Variants in RGS7 observed in about 807,000 individuals in gnomAD.
The protein encoded by RGS7 is regulator of G-protein signaling 7.
A neutral mutation model predicts 81.1 loss-of-function variants in RGS7; 27 were observed. That is an observed-to-expected ratio of 0.33 (90% confidence interval 0.25 to 0.46). The LOEUF (loss-of-function observed/expected upper bound fraction) is 0.46. RGS7 is among the 20% of genes least tolerant of loss of function. The pLI, the probability that RGS7 is intolerant of heterozygous loss-of-function variation, is 1.00. For missense variants in RGS7, 396 were observed against 607.4 expected (o/e 0.65, Z 3.66); for synonymous variants, 208 against 207.7 (o/e 1.00, Z -0.01).
At chr1:241,238,900 C>T (rs2076119108) in intron 2 of RGS7, among the ~76,000 whole-genome samples, 1 of 150,582 alleles carries the variant, frequency 6.6e-6, no homozygotes, top group African/African-American at 2.4e-5. Flanking sequence ...TGTTATAAAA[C>T]ATTTAAAAAT....
intron 6 of RGS7, among the ~76,000 whole-genome samples, chr1:240,896,641 A>G (rs1368960296): frequency 6.6e-6 from 1 of 152,100 alleles, no homozygotes; most frequent in East Asian, 1.9e-4. Flanking sequence ...CCACTGGTCT[A>G]TATCTCTGTT....
At chr1:241,232,639 C>G (rs1362818097) in intron 2 of RGS7, among the ~76,000 whole-genome samples, 1 of 151,180 alleles carries the variant, frequency 6.6e-6, no homozygotes, top group East Asian at 1.9e-4. Context: ...ATTTCCATTT[C>G]CATATATATT....
At chr1:241,291,724 GC>G (rs1474138922) in intron 2 of RGS7, among the ~76,000 whole-genome samples, 2 of 151,852 alleles carry the variant, frequency 1.3e-5, no homozygotes, top group Middle Eastern at 3.2e-3. Context: ...GACTACAGGT[GC>G]CTGCCACCAC....
intron 2 of RGS7, among the ~76,000 whole-genome samples, chr1:241,207,542 G>A (rs770427839): frequency 2.0e-5 from 3 of 151,876 alleles, no homozygotes; most frequent in Non-Finnish European, 4.4e-5. Flanking sequence ...GGGAGACAGA[G>A]AACTAACAAA....
intron 14 of RGS7, among the ~76,000 whole-genome samples, chr1:240,806,923 CT>C (rs1484196613): frequency 1.3e-5 from 2 of 151,876 alleles, no homozygotes; most frequent in African/African-American, 4.8e-5. Context: ...AATGCTCTGG[CT>C]GGAAAAATAA....
intron 2 of RGS7, among the ~76,000 whole-genome samples, chr1:241,299,253 T>C (rs911241094): frequency 6.6e-6 from 1 of 152,220 alleles, no homozygotes; most frequent in African/African-American, 2.4e-5. Flanking sequence ...CTAGGCTTGC[T>C]AATAGTCCTC....
chr1:240,977,129 C>T (rs1386765622), intron 4 of RGS7, among the ~76,000 whole-genome samples: 1 of 150,740 alleles, frequency 6.6e-6, no homozygotes, highest in East Asian at 1.9e-4. Context: ...CACACACACA[C>T]ACACACACAC....
chr1:241,298,006 C>T (rs2079526046), intron 2 of RGS7, among the ~76,000 whole-genome samples: 1 of 152,024 alleles, frequency 6.6e-6, no homozygotes, highest in Non-Finnish European at 1.5e-5. Flanking sequence ...ATTGGCAAAT[C>T]AATATATTAA....
chr1:240,834,667 C>T (rs1000593712), intron 9 of RGS7, among the ~76,000 whole-genome samples: 8 of 152,048 alleles, frequency 5.3e-5, no homozygotes, highest in Non-Finnish European at 8.8e-5. Flanking sequence ...TCCGCCACCA[C>T]GCCCAGCTAA....
chr1:241,305,398 A>G (rs537655021), intron 2 of RGS7, among the ~76,000 whole-genome samples: 2 of 152,162 alleles, frequency 1.3e-5, no homozygotes, highest in Non-Finnish European at 2.9e-5. Flanking sequence ...GCTAATAAGC[A>G]TGTCAGCTTC....
Position 240,851,348 on chromosome 1 carries a change from CTGA to C in RGS7, c.609+17236_609+17238del, listed in dbSNP as rs1371834261. Among the ~76,000 whole-genome samples, 7 of 152,306 alleles carry C rather than the reference CTGA, an allele frequency of 4.6e-5. No individual in the cohort carries two copies. In the East Asian group the frequency reaches 1.4e-3, roughly 29 times the overall value. Reference sequence around the variant, plus strand: ...GCAGATCTGTTTACATCGTCATTTACTGAATATTTAAAGCCCAGTGTTGAGACC... The same window carrying C: ...GCAGATCTGTTTACATCGTCATTTACATATTTAAAGCCCAGTGTTGAGACC... On this transcript the variant is annotated intron_variant, in intron 9 of 18. Transcript: ENST00000440928.
At chr1:241,166,019 T>C (rs577771649) in intron 2 of RGS7, among the ~76,000 whole-genome samples, 136 of 152,234 alleles carry the variant, frequency 8.9e-4, no homozygotes, top group African/African-American at 2.9e-3. Flanking sequence ...CAATCTGCGT[T>C]GTAATAAGCC....
At chr1:241,129,279 C>T (rs1274776423) in intron 2 of RGS7, among the ~76,000 whole-genome samples, 2 of 145,544 alleles carry the variant, frequency 1.4e-5, no homozygotes, top group Non-Finnish European at 3.0e-5. Context: ...AAAAAAAAAA[C>T]GGAACTCAAA....
chr1:241,319,855 G>A (rs1209163626), intron 2 of RGS7, among the ~76,000 whole-genome samples: 4 of 152,140 alleles, frequency 2.6e-5, no homozygotes, highest in Admixed American at 6.5e-5. Flanking sequence ...CACTTTGGGA[G>A]GCTGAGGCGG....
At chr1:240,897,523 G>C (rs1398288085) in intron 6 of RGS7, among the ~76,000 whole-genome samples, 1 of 150,104 alleles carries the variant, frequency 6.7e-6, no homozygotes, top group African/African-American at 2.4e-5. Context: ...GGCCTTTTCT[G>C]CATCTATTGA....
At position 241,134,955 on chromosome 1, in the gene RGS7, T is replaced by TACCCC. The variant is rs1558115657; in HGVS notation, c.79-36194_79-36193insGGGGT. On this transcript the variant is annotated intron_variant, in intron 2 of 18. Transcript: ENST00000440928. ...TACCCCGGCCGGAAGACACCTACCC[T>TACCCC]GGCCGGAAGACACCTACCTCTGAAG... Among the ~76,000 whole-genome samples, 301 of 150,756 alleles carry TACCCC rather than the reference T, an allele frequency of 2.0e-3. 2 individuals carry two copies. The highest frequency in any genetic ancestry group is 5.8e-3 in the African/African-American group (239 of 41,122).
chr1:240,829,601 G>A (rs1006084022), intron 9 of RGS7, among the ~76,000 whole-genome samples: 2 of 152,132 alleles, frequency 1.3e-5, no homozygotes, highest in Non-Finnish European at 2.9e-5. Context: ...GGAAGGGAAG[G>A]CAGTAAAATT....
At chr1:241,305,341 C>T (rs988538900) in intron 2 of RGS7, among the ~76,000 whole-genome samples, 4 of 152,096 alleles carry the variant, frequency 2.6e-5, no homozygotes, top group African/African-American at 7.2e-5. Flanking sequence ...TTAATGTCGT[C>T]GGTCACCCAT....
intron 2 of RGS7, 97 bp from the exon 3 acceptor site, chr1:241,098,859 C>T: frequency 1.2e-6 from 1 of 829,754 alleles, no homozygotes; most frequent in Non-Finnish European, 2.0e-6. Flanking sequence ...TTTTGCCCAA[C>T]TAAGAACAAT....
Sources: gnomAD v4.1 joint callset for allele counts (sites outside exome capture counted in the v4.1 genomes callset) on GRCh38, gnomAD v4.1.1 for gene constraint, MANE v1.5 for transcripts, NCBI Gene and HGNC (gene_info 2026-07-23, HGNC 2026-07-21) for gene names.